ARB2A: variants seen among roughly 807,000 people sequenced by gnomAD.
ARB2A encodes the protein cotranscriptional regulator ARB2A.
At chr5:93,664,080 A>G in the ARB2A span, among the ~76,000 whole-genome samples, 1 of 149,178 alleles carries the variant, frequency 6.7e-6, no homozygotes, top group East Asian at 2.0e-4. Flanking sequence ...TTATTTTTAT[A>G]CTTTTTTAGC....
At chr5:93,766,445 T>C in the ARB2A span, among the ~76,000 whole-genome samples, 362 of 152,234 alleles carry the variant, frequency 2.4e-3, 4 homozygotes, top group African/African-American at 8.1e-3. Context: ...AAAATGCTCA[T>C]CATCACTGGC....
chr5:93,663,982 C>T, the ARB2A span, among the ~76,000 whole-genome samples: 11 of 151,990 alleles, frequency 7.2e-5, no homozygotes, highest in South Asian at 2.1e-4. Context: ...ATAAGAGGAA[C>T]GCTTTCCAAA....
chr5:94,013,681 A>C, the ARB2A span, among the ~76,000 whole-genome samples: 2 of 152,140 alleles, frequency 1.3e-5, no homozygotes, highest in African/African-American at 4.8e-5. Context: ...CCAAAATAGG[A>C]AAAAAGGGAA....
At chr5:93,958,825 T>A in the ARB2A span, 4 of 1,603,744 alleles carry the variant, frequency 2.5e-6, no homozygotes, top group Non-Finnish European at 3.4e-6. Flanking sequence ...TGTCCAGATC[T>A]TCATTTATAA....
At chr5:93,759,105 G>A in the ARB2A span, among the ~76,000 whole-genome samples, 1 of 152,016 alleles carries the variant, frequency 6.6e-6, no homozygotes, top group South Asian at 2.1e-4. Flanking sequence ...GATCATTCAA[G>A]GCTACTATGA....
chr5:93,939,508 T>G, the ARB2A span, among the ~76,000 whole-genome samples: 1 of 152,118 alleles, frequency 6.6e-6, no homozygotes, highest in Non-Finnish European at 1.5e-5. Flanking sequence ...AGTACCACTA[T>G]GAAATATGGG....
At chr5:93,805,552 C>T in the ARB2A span, 2 of 985,012 alleles carry the variant, frequency 2.0e-6, no homozygotes, top group African/African-American at 3.5e-5. Context: ...CAGCAGGCAT[C>T]ATACAGCATC....
At chr5:93,946,846 A>G in the ARB2A span, among the ~76,000 whole-genome samples, 1 of 152,158 alleles carries the variant, frequency 6.6e-6, no homozygotes, top group Non-Finnish European at 1.5e-5. Flanking sequence ...TAGATATGCC[A>G]CACTTCTTCA....
At chr5:94,018,641 G>C in the ARB2A span, among the ~76,000 whole-genome samples, 2 of 151,912 alleles carry the variant, frequency 1.3e-5, no homozygotes, top group African/African-American at 4.8e-5. Context: ...CTTGAGCAGC[G>C]GTTTGTAGTT....
At chr5:93,916,113 A>G in the ARB2A span, among the ~76,000 whole-genome samples, 1 of 152,116 alleles carries the variant, frequency 6.6e-6, no homozygotes, top group Admixed American at 6.6e-5. Flanking sequence ...GTAATGACAT[A>G]TATCATTAAA....
the ARB2A span, among the ~76,000 whole-genome samples, chr5:93,780,477 T>C: frequency 6.6e-6 from 1 of 152,148 alleles, no homozygotes; most frequent in African/African-American, 2.4e-5. Flanking sequence ...TCACTTGGAG[T>C]AATTGCTCAA....
At chr5:93,805,936 A>G in the ARB2A span, 1 of 984,588 alleles carries the variant, frequency 1.0e-6, no homozygotes, top group South Asian at 4.7e-5. Flanking sequence ...AAATATATAG[A>G]CTCTTCTGAT....
the ARB2A span, chr5:93,824,380 C>T: frequency 1.7e-6 from 1 of 605,138 alleles, no homozygotes; most frequent in South Asian, 6.3e-5. Flanking sequence ...ATGGTTATAG[C>T]TCATTCAAAA....
At chr5:93,883,724 T>C in the ARB2A span, among the ~76,000 whole-genome samples, 1 of 151,568 alleles carries the variant, frequency 6.6e-6, no homozygotes. Flanking sequence ...TGCACTCTGC[T>C]AAACAGGGTG....
At chr5:93,730,026 G>A in the ARB2A span, among the ~76,000 whole-genome samples, 2 of 152,080 alleles carry the variant, frequency 1.3e-5, no homozygotes, top group Non-Finnish European at 2.9e-5. Flanking sequence ...GTGTATATAT[G>A]TGCACAGAGA....
the ARB2A span, among the ~76,000 whole-genome samples, chr5:94,077,360 G>C: frequency 6.7e-6 from 1 of 149,906 alleles, no homozygotes; most frequent in Non-Finnish European, 1.5e-5. Context: ...TTGACAAAGC[G>C]AGACTCTGTC....
the ARB2A span, among the ~76,000 whole-genome samples, chr5:93,815,196 T>A: frequency 6.6e-6 from 1 of 152,172 alleles, no homozygotes; most frequent in East Asian, 1.9e-4. Context: ...GTGGCTTTAT[T>A]GTAAGCTAAA....
At chr5:93,693,270 T>C in the ARB2A span, among the ~76,000 whole-genome samples, 6 of 152,126 alleles carry the variant, frequency 3.9e-5, no homozygotes, top group Non-Finnish European at 8.8e-5. Flanking sequence ...CAGGAGCTGG[T>C]TTTTTGAAAA....
the ARB2A span, among the ~76,000 whole-genome samples, chr5:93,876,907 CACATGA>C: frequency 6.6e-6 from 1 of 151,974 alleles, no homozygotes; most frequent in African/African-American, 2.4e-5. Context: ...TGCAAAAATT[CACATGA>C]ATGCTGAAAA....
Sources: gnomAD v4.1 joint callset for allele counts (sites outside exome capture counted in the v4.1 genomes callset) on GRCh38, gnomAD v4.1.1 for gene constraint, MANE v1.5 for transcripts, NCBI Gene and HGNC (gene_info 2026-07-23, HGNC 2026-07-21) for gene names.